The following SLC10A7 variants were observed in gnomAD, a reference collection of about 807,000 sequenced individuals.
SLC10A7 encodes the protein solute carrier family 10 member 7, also known as sodium/bile acid cotransporter 7.
SLC10A7 carries 29 observed loss-of-function variants against 43.2 expected under a neutral mutation model. The ratio of observed to expected loss-of-function variants is 0.67; its 90% CI spans 0.50 to 0.92. SLC10A7 has a LOEUF of 0.92. Among genes scored for constraint, SLC10A7 ranks in the 40% least tolerant of loss-of-function variants. The probability of loss-of-function intolerance (pLI) is 0.00; values close to 1 mark genes in which losing one functional copy is unlikely to be tolerated. For missense variants in SLC10A7, 295 were observed against 403.2 expected (o/e 0.73, Z 2.30); for synonymous variants, 152 against 144.8 (o/e 1.05, Z -0.35).
At chr4:146,362,768 CTT>C (rs1449620818) in intron 5 of SLC10A7, among the ~76,000 whole-genome samples, 1 of 151,572 alleles carries the variant, frequency 6.6e-6, no homozygotes, top group African/African-American at 2.4e-5. Flanking sequence ...GTGTTTTTTT[CTT>C]TGTGATTAAA....
intron 9 of SLC10A7, among the ~76,000 whole-genome samples, chr4:146,283,827 A>G (rs1317442072): frequency 1.3e-5 from 2 of 152,188 alleles, no homozygotes; most frequent in Non-Finnish European, 2.9e-5. Flanking sequence ...TAATGTTCCT[A>G]TTTACAGATG....
intron 10 of SLC10A7, among the ~76,000 whole-genome samples, chr4:146,269,316 G>A (rs1384085075): frequency 6.6e-6 from 1 of 152,218 alleles, no homozygotes; most frequent in African/African-American, 2.4e-5. Flanking sequence ...AGCATTGTAG[G>A]AGTAACTAGC....
chr4:146,381,937 TTTGCAGTA>T (rs907818566), intron 5 of SLC10A7, among the ~76,000 whole-genome samples: 3 of 152,052 alleles, frequency 2.0e-5, no homozygotes, highest in Non-Finnish European at 4.4e-5. Flanking sequence ...TAAAGAAGCA[TTTGCAGTA>T]TCAATAGTTT....
At chr4:146,505,188 T>C (rs1444693761) in intron 3 of SLC10A7, among the ~76,000 whole-genome samples, 1 of 152,194 alleles carries the variant, frequency 6.6e-6, no homozygotes, top group African/African-American at 2.4e-5. Flanking sequence ...CTTCTGCTTC[T>C]GCTATGCCTG....
At chr4:146,498,820 C>T (rs953005450) in intron 4 of SLC10A7, among the ~76,000 whole-genome samples, 1 of 152,140 alleles carries the variant, frequency 6.6e-6, no homozygotes, top group Non-Finnish European at 1.5e-5. Context: ...GTTATAACAA[C>T]ATATTTTTTT....
At chr4:146,312,742 T>C (rs1732066122) in intron 6 of SLC10A7, among the ~76,000 whole-genome samples, 1 of 152,182 alleles carries the variant, frequency 6.6e-6, no homozygotes, top group African/African-American at 2.4e-5. Context: ...TGTTATACGC[T>C]AATTTAAAAT....
At chr4:146,339,078 C>T (rs1254422252) in intron 5 of SLC10A7, among the ~76,000 whole-genome samples, 1 of 151,792 alleles carries the variant, frequency 6.6e-6, no homozygotes, top group South Asian at 2.1e-4. Context: ...GGGGAAGGGG[C>T]TTCTTATGTA....
Position 146,336,012 on chromosome 4 carries a change from G to T in SLC10A7, c.436-10016C>A, listed in dbSNP as rs532276849. The stretch of plus-strand genomic sequence containing the variant: ...CCCCAGAACTACTATGTCATAATCT[G>T]CATCTTAGCAAGATCCCCAGGTAAT... On this transcript the variant is annotated intron_variant, in intron 5 of 11. Transcript: ENST00000335472. 2.0e-5 allele frequency among the ~76,000 whole-genome samples: 3 copies of T among 152,148 alleles called. No individual in the cohort carries two copies. In the South Asian group the frequency reaches 6.2e-4, roughly 32 times the overall value.
intron 5 of SLC10A7, among the ~76,000 whole-genome samples, chr4:146,358,445 C>T (rs1735812981): frequency 6.6e-6 from 1 of 152,124 alleles, no homozygotes; most frequent in African/African-American, 2.4e-5. Context: ...CTTATACATA[C>T]ATACAAATAC....
intron 4 of SLC10A7, among the ~76,000 whole-genome samples, chr4:146,461,803 T>C (rs889417979): frequency 1.4e-5 from 2 of 142,988 alleles, no homozygotes; most frequent in African/African-American, 5.1e-5. Flanking sequence ...GGCTAGGTGC[T>C]TAAAAGGAGA....
chr4:146,521,473 G>C, intron 1 of SLC10A7, 145 bp downstream of exon 1: 1 of 650,204 alleles, frequency 1.5e-6, no homozygotes. Context: ...TGGTAAATTA[G>C]AAAATCAGCA....
chr4:146,410,806 C>T (rs1330839952), intron 5 of SLC10A7, among the ~76,000 whole-genome samples: 1 of 152,028 alleles, frequency 6.6e-6, no homozygotes, highest in East Asian at 1.9e-4. Flanking sequence ...TCTTTTAAGG[C>T]ATATCTTGTT....
chr4:146,255,293 G>C lies in SLC10A7; in HGVS notation c.*1198C>G, dbSNP rs1368218063. On this transcript the variant is annotated 3_prime_UTR_variant, in exon 12 of 12. Coordinates refer to ENST00000335472, the MANE Select transcript of SLC10A7 (RefSeq NM_001029998.6). Reference sequence around the variant, plus strand: ...AATATTGGACACTCATTTGAAAGCTGCTGCCCCGTTGGGAACTAATTTTAC... The same window carrying C: ...AATATTGGACACTCATTTGAAAGCTCCTGCCCCGTTGGGAACTAATTTTAC... 2.0e-5 allele frequency: 3 copies of C among 152,620 alleles called. No homozygotes were observed. Among genetic ancestry groups the C allele is most frequent in the Admixed American group, 2.0e-4 (3 of 15,280 alleles). 9.5% of individuals were successfully genotyped at this position (152,620 alleles called of 1,614,324 possible). A position where few individuals can be genotyped will look rare whatever the true frequency, so the allele number is the denominator to read the frequency against.
At chr4:146,464,522 G>A (rs1732830178) in intron 4 of SLC10A7, among the ~76,000 whole-genome samples, 1 of 151,978 alleles carries the variant, frequency 6.6e-6, no homozygotes, top group African/African-American at 2.4e-5. Flanking sequence ...GCAGAACATT[G>A]TATGTGACTA....
intron 5 of SLC10A7, among the ~76,000 whole-genome samples, chr4:146,416,265 C>T (rs1008645375): frequency 2.0e-5 from 3 of 152,108 alleles, no homozygotes; most frequent in Non-Finnish European, 4.4e-5. Flanking sequence ...GAGAGCCATG[C>T]CTAGTATGCT....
At chr4:146,343,881 A>T (rs544676988) in intron 5 of SLC10A7, among the ~76,000 whole-genome samples, 3 of 152,042 alleles carry the variant, frequency 2.0e-5, no homozygotes, top group Admixed American at 6.6e-5. Context: ...ATCTAAAGGA[A>T]TTTTTTAAAC....
At chr4:146,443,287 C>T (rs1345496216) in intron 4 of SLC10A7, among the ~76,000 whole-genome samples, 1 of 152,074 alleles carries the variant, frequency 6.6e-6, no homozygotes, top group Non-Finnish European at 1.5e-5. Context: ...TGTTTCTATA[C>T]AACACACATT....
chr4:146,362,336 A>G (rs2149765378), intron 5 of SLC10A7, among the ~76,000 whole-genome samples: 1 of 152,292 alleles, frequency 6.6e-6, no homozygotes, highest in Middle Eastern at 3.4e-3. Flanking sequence ...AAAAGAAAGG[A>G]TGCTAAAAAC....
At chr4:146,301,796 A>G (rs1731177183) in intron 7 of SLC10A7, among the ~76,000 whole-genome samples, 1 of 152,144 alleles carries the variant, frequency 6.6e-6, no homozygotes, top group Non-Finnish European at 1.5e-5. Flanking sequence ...GTGGCTGTTA[A>G]TTCCTAAGAC....
Sources: gnomAD v4.1 joint callset for allele counts (sites outside exome capture counted in the v4.1 genomes callset) on GRCh38, gnomAD v4.1.1 for gene constraint, MANE v1.5 for transcripts, NCBI Gene and HGNC (gene_info 2026-07-23, HGNC 2026-07-21) for gene names.